The following CPED1 variants were observed in gnomAD, a reference collection of about 807,000 sequenced individuals.
CPED1 encodes the protein cadherin-like and PC-esterase domain-containing protein 1.
In CPED1, 114 loss-of-function variants were observed where a neutral mutation model predicts 128.2. The observed-to-expected ratio is 0.89, with a 90% CI of 0.76 to 1.04. The LOEUF is 1.04. Ranked by LOEUF, CPED1 falls within the 50% of genes least tolerant of loss-of-function variation. CPED1 has a pLI of 0.00. For synonymous variants in CPED1, 462 were observed against 426.7 expected (o/e 1.08, Z -1.02); for missense variants, 1,211 against 1,207.1 (o/e 1.00, Z -0.05).
At chr7:121,114,622 T>C (rs745451178) in intron 7 of CPED1, among the ~76,000 whole-genome samples, 24 of 152,232 alleles carry the variant, frequency 1.6e-4, no homozygotes, top group Admixed American at 1.2e-3. Flanking sequence ...TCTTTGCAAG[T>C]GTCTTTGTGT....
intron 16 of CPED1, among the ~76,000 whole-genome samples, chr7:121,146,629 C>T (rs1473058800): frequency 6.6e-6 from 1 of 152,084 alleles, no homozygotes; most frequent in Non-Finnish European, 1.5e-5. Flanking sequence ...AAATCAATTA[C>T]AATAACATTT....
chr7:121,145,139 G>GTA (rs71530056), intron 16 of CPED1, among the ~76,000 whole-genome samples: 15,694 of 150,570 alleles, frequency 0.1, 846 homozygotes, highest in South Asian at 0.19. Context: ...GTGTATTTGT[G>GTA]TATATATATA....
chr7:121,001,037 C>T (rs1562987582), intron 2 of CPED1, among the ~76,000 whole-genome samples: 1 of 152,128 alleles, frequency 6.6e-6, no homozygotes, highest in Non-Finnish European at 1.5e-5. Context: ...CAAAAACAAG[C>T]ACTGGGTATA....
At chr7:121,062,023 G>A (rs937970278) in intron 4 of CPED1, among the ~76,000 whole-genome samples, 2 of 152,180 alleles carry the variant, frequency 1.3e-5, no homozygotes, top group Non-Finnish European at 2.9e-5. Flanking sequence ...TTCTAAAGAT[G>A]AACTTTGGAG....
At chr7:121,130,499 A>G (rs1230755409) in intron 12 of CPED1, among the ~76,000 whole-genome samples, 2 of 152,098 alleles carry the variant, frequency 1.3e-5, no homozygotes. Context: ...AATGTATCCA[A>G]CAGTTTTTTA....
At chr7:121,035,386 G>A (rs181646601) in intron 3 of CPED1, among the ~76,000 whole-genome samples, 2 of 152,266 alleles carry the variant, frequency 1.3e-5, no homozygotes, top group Admixed American at 6.5e-5. Context: ...GAATGGGATA[G>A]GATTTAGAAA....
chr7:121,230,728 G>GA (rs1798115905), intron 16 of CPED1, among the ~76,000 whole-genome samples: 1 of 152,014 alleles, frequency 6.6e-6, no homozygotes, highest in Non-Finnish European at 1.5e-5. Flanking sequence ...CTCTGTACCA[G>GA]AAAAACAGGC....
At chr7:121,241,148 C>T (rs1156352333) in intron 17 of CPED1, among the ~76,000 whole-genome samples, 1 of 57,288 alleles carries the variant, frequency 1.7e-5, no homozygotes, top group Admixed American at 1.3e-4. Flanking sequence ...TCGAGACCAT[C>T]CCGGCTAAAA....
At chr7:121,041,611 G>T (rs1793054452) in intron 3 of CPED1, among the ~76,000 whole-genome samples, 2 of 152,074 alleles carry the variant, frequency 1.3e-5, no homozygotes, top group Non-Finnish European at 2.9e-5. Context: ...AGCGAAGGAG[G>T]TCATTTGTGA....
intron 4 of CPED1, chr7:121,051,453 T>A (rs568382000): frequency 1.2e-5 from 6 of 497,490 alleles, no homozygotes; most frequent in African/African-American, 2.0e-5. Flanking sequence ...TATTGAATTA[T>A]GGGAGGCTTT....
intron 22 of CPED1, among the ~76,000 whole-genome samples, chr7:121,283,775 A>G (rs1326006133): frequency 1.3e-5 from 2 of 152,200 alleles, no homozygotes; most frequent in Non-Finnish European, 2.9e-5. Flanking sequence ...GGCACTAATC[A>G]TGGTGACTGT....
chr7:120,998,067 A>G (rs1031374879), intron 2 of CPED1, among the ~76,000 whole-genome samples: 1 of 152,222 alleles, frequency 6.6e-6, no homozygotes, highest in Non-Finnish European at 1.5e-5. Flanking sequence ...GGAGTCATGC[A>G]GCTGCACACT....
chr7:121,072,200 A>C (rs947424390), intron 5 of CPED1, among the ~76,000 whole-genome samples: 4 of 151,012 alleles, frequency 2.6e-5, no homozygotes, highest in Non-Finnish European at 5.9e-5. Context: ...AAAAAAAAAA[A>C]CATGGGAGTA....
chr7:121,129,319 A>ATATATATACG (rs1452041967), intron 11 of CPED1, among the ~76,000 whole-genome samples: 11 of 131,942 alleles, frequency 8.3e-5, no homozygotes, highest in Admixed American at 3.8e-4. Flanking sequence ...ATACGTATAT[A>ATATATATACG]TATATATATA....
intron 4 of CPED1, among the ~76,000 whole-genome samples, chr7:121,048,343 G>C (rs1297763127): frequency 2.0e-5 from 3 of 152,076 alleles, no homozygotes; most frequent in African/African-American, 7.2e-5. Flanking sequence ...AAGCTTCAGC[G>C]CTTCTGTTTC....
chr7:121,076,756 A>T (rs1794134301), intron 5 of CPED1: 1 of 152,166 alleles, frequency 6.6e-6, no homozygotes, highest in African/African-American at 2.4e-5. Flanking sequence ...GGGAAAAGGG[A>T]ATAAATCTGC....
intron 3 of CPED1, among the ~76,000 whole-genome samples, chr7:121,042,027 T>C (rs1293691321): frequency 6.6e-6 from 1 of 152,130 alleles, no homozygotes; most frequent in Non-Finnish European, 1.5e-5. Context: ...ACATCCTGTT[T>C]TCCTAGAATT....
At chr7:121,034,976 C>G (rs1226285432) in intron 3 of CPED1, among the ~76,000 whole-genome samples, 1 of 152,028 alleles carries the variant, frequency 6.6e-6, no homozygotes, top group Non-Finnish European at 1.5e-5. Context: ...AGGAAGGTGT[C>G]ACAAGTAGAA....
intron 3 of CPED1, among the ~76,000 whole-genome samples, chr7:121,027,246 A>G (rs1483039066): frequency 2.0e-5 from 3 of 152,026 alleles, no homozygotes; most frequent in African/African-American, 4.8e-5. Flanking sequence ...CATTATTCAT[A>G]TATCTCTGAT....
Sources: allele counts gnomAD v4.1 joint callset (sites outside exome capture counted in the v4.1 genomes callset), GRCh38; gene constraint gnomAD v4.1.1; transcripts MANE v1.5; gene names NCBI Gene and HGNC (gene_info 2026-07-23, HGNC 2026-07-21).